Variants in PDE6C observed in about 807,000 individuals in gnomAD.
PDE6C encodes the protein cone cGMP-specific 3',5'-cyclic phosphodiesterase subunit alpha'.
A neutral mutation model predicts 113.1 loss-of-function variants in PDE6C; 75 were observed. The ratio of observed to expected loss-of-function variants is 0.66; its 90% CI spans 0.55 to 0.80. The LOEUF (loss-of-function observed/expected upper bound fraction) is 0.80. Among genes scored for constraint, PDE6C ranks in the 30% least tolerant of loss-of-function variants. The pLI is 0.00. For missense variants in PDE6C, 912 were observed against 1,038.6 expected (o/e 0.88, Z 1.67); for synonymous variants, 375 against 363.7 (o/e 1.03, Z -0.35).
chr10:93,627,203 A>T (rs551581364), intron 7 of PDE6C, among the ~76,000 whole-genome samples: 3 of 137,376 alleles, frequency 2.2e-5, no homozygotes, highest in South Asian at 2.5e-4. Context: ...TGGAGATTGC[A>T]GTGAGCCAAG....
chr10:93,628,521 G>T (rs999839267), intron 7 of PDE6C, among the ~76,000 whole-genome samples: 1 of 152,228 alleles, frequency 6.6e-6, no homozygotes, highest in African/African-American at 2.4e-5. Context: ...GGAGGTGGAG[G>T]TTGCAGAGAG....
chr10:93,640,623 A>G, intron 13 of PDE6C, 66 bp downstream of exon 13: 1 of 1,095,262 alleles, frequency 9.1e-7, no homozygotes, highest in South Asian at 1.2e-5. Context: ...GATGAGAAAT[A>G]GGTATGGTCC....
In PDE6C at chr10:93,641,098, C is replaced by T. The variant is rs183302276; in HGVS notation, c.1847+69C>T. On this transcript the variant is annotated intron_variant, in intron 14 of 21. Transcript: ENST00000371447. The stretch of plus-strand genomic sequence containing the variant: ...TGGAAAGTACTTAGGGTGAGAAAAA[C>T]GCTTCTCCCTATTCCTTGGCCCAGT... 8.8e-4 allele frequency: 816 copies of T among 932,378 alleles called. 2 individuals carry two copies. The highest frequency in any genetic ancestry group is 1.1e-3 in the Non-Finnish European group (628 of 561,128). 57.8% of individuals were successfully genotyped at this position (932,378 alleles called of 1,614,324 possible).
At chr10:93,654,815 T>TTCTTTC (rs1564804888) in intron 15 of PDE6C, among the ~76,000 whole-genome samples, 3 of 143,744 alleles carry the variant, frequency 2.1e-5, no homozygotes, top group South Asian at 2.2e-4. Flanking sequence ...TCTTTCTTTT[T>TTCTTTC]TTTTTTTTTT....
Position 93,663,046 on chromosome 10 carries a change from A to G in PDE6C, c.2386A>G (p.Lys796Glu), listed in dbSNP as rs768171384. The part of the protein sequence containing the change: ...FVYKEFSRFH[K>E]EITPMLSGLQ... ...CTTTTAGGAGTTCTCACGGTTTCACAAAGAAATCACACCTATGCTGAGTGG... is the reference window on the plus strand; with the variant it reads ...CTTTTAGGAGTTCTCACGGTTTCACGAAGAAATCACACCTATGCTGAGTGG... The change falls in exon 21 of 22, where the codon AAA becomes GAA. Residue 796 changes from lysine to glutamate, a missense_variant. Coordinates refer to ENST00000371447, the MANE Select transcript of PDE6C (RefSeq NM_006204.4). 3.2e-5 allele frequency: 52 copies of G among 1,612,548 alleles called. No homozygotes were observed. The South Asian group carries it at 5.6e-4, about 17-fold the overall frequency.
intron 4 of PDE6C, among the ~76,000 whole-genome samples, chr10:93,625,312 A>G (rs2058468272): frequency 6.6e-6 from 1 of 152,218 alleles, no homozygotes; most frequent in Admixed American, 6.5e-5. Context: ...TAGATGTTAC[A>G]TATGTATTAT....
At position 93,665,629 on chromosome 10, in the gene PDE6C, T is replaced by G. The variant is rs1806888436; in HGVS notation, c.*211T>G. On this transcript the variant is annotated 3_prime_UTR_variant, in exon 22 of 22. Transcript: ENST00000371447. Reference sequence around the variant, plus strand: ...AAAATATGACAAAAATAGGTACATTTTTGGTGCCAATTTATTTTAAATTAA... The same window carrying G: ...AAAATATGACAAAAATAGGTACATTGTTGGTGCCAATTTATTTTAAATTAA... The G allele has an allele frequency of 3.6e-6, 2 of 560,280 alleles. No homozygotes were observed. The highest frequency in any genetic ancestry group is 3.1e-5 in the Admixed American group (1 of 31,790). The allele number at this position is 560,280 out of a possible 1,614,324, so 34.7% of individuals were successfully genotyped here. A position where few individuals can be genotyped will look rare whatever the true frequency, so the allele number is the denominator to read the frequency against.
chr10:93,662,915 T>C (rs1476568767), intron 20 of PDE6C, 113 bp from the exon 21 acceptor site: 2 of 953,642 alleles, frequency 2.1e-6, no homozygotes, highest in African/African-American at 1.6e-5. Context: ...GTTAAACTTA[T>C]CCTAGCAGCT....
chr10:93,625,711 G>A (rs1183563705), intron 5 of PDE6C, 62 bp downstream of exon 5: 1 of 1,137,636 alleles, frequency 8.8e-7, no homozygotes, highest in African/African-American at 1.5e-5. Context: ...AAATTAAGAG[G>A]CCACAGTGCA....
At position 93,620,636 on chromosome 10, in the gene PDE6C, G is replaced by C. The variant is rs770220518; in HGVS notation, c.485G>C (p.Ser162Thr). 1 of 1,614,032 alleles carries C rather than the reference G, an allele frequency of 6.2e-7. No individual in the cohort carries two copies. The highest frequency in any genetic ancestry group is 1.1e-5 in the South Asian group (1 of 91,076). The change falls in exon 2 of 22, where the codon AGC becomes ACC. Residue 162 changes from serine (S) to threonine (T), a missense_variant. Physicochemically the swap from Ser to Thr is moderately conservative, Grantham distance 58. Transcript: ENST00000371447. ...THNVPDVKKN[S>T]HFSDFMDKQT... ...ATATGTGACTGTCTCTTTCAGAACA[G>C]CCATTTTTCTGACTTCATGGACAAG...
In PDE6C at chr10:93,659,115, T is replaced by C. The variant is rs1460255181; in HGVS notation, c.2156T>C (p.Met719Thr). 5.0e-6 allele frequency: 8 copies of C among 1,610,990 alleles called. No individual in the cohort carries two copies. The highest frequency in any genetic ancestry group is 4.0e-5 in the African/African-American group (3 of 74,836). Reference protein sequence around the residue: ...TKKEIIMAMMMTACDLSAITK... With the variant: ...TKKEIIMAMMTTACDLSAITK... ...GTTTTCTTCCTAAGGGCAATGATGA[T>C]GACGGCATGTGACTTGTCTGCTATT... The change falls in exon 18 of 22, where the codon ATG (methionine) becomes ACG (threonine). Residue 719 changes from methionine to threonine, a missense_variant. By Grantham distance (81) the Met-to-Thr change is moderately conservative. Transcript: ENST00000371447.
chr10:93,651,325 G>T (rs1055352267), intron 15 of PDE6C, among the ~76,000 whole-genome samples: 1 of 152,150 alleles, frequency 6.6e-6, no homozygotes, highest in African/African-American at 2.4e-5. Flanking sequence ...ACCTGAGACT[G>T]GGTAATTATA....
Position 93,665,640 on chromosome 10 carries a change from T to TTTA in PDE6C, c.*225_*227dup. 1.8e-6 allele frequency: 1 copy of TTTA among 543,082 alleles called. No individual in the cohort carries two copies. Among genetic ancestry groups the TTTA allele is most frequent in the Non-Finnish European group, 3.3e-6 (1 of 304,650 alleles). The allele number at this position is 543,082 out of a possible 1,614,324, so 33.6% of individuals were successfully genotyped here. A position where few individuals can be genotyped will look rare whatever the true frequency, so the allele number is the denominator to read the frequency against. On this transcript the variant is annotated 3_prime_UTR_variant, in exon 22 of 22. Coordinates refer to ENST00000371447, the MANE Select transcript of PDE6C (RefSeq NM_006204.4). ...AAAATAGGTACATTTTTGGTGCCAA[T>TTTA]TTATTTTAAATTAAAAAATATGCAA... is the stretch of plus-strand genomic sequence containing the variant.
In PDE6C at chr10:93,659,024, T is replaced by A; in HGVS notation, c.2144+16T>A. On this transcript the variant is annotated intron_variant, in intron 17 of 21. Coordinates refer to ENST00000371447, the MANE Select transcript of PDE6C (RefSeq NM_006204.4). ...AGATTATCATGTAGGTAGTTGAAATTGTATTTCTCTCTTGTTTTTTGTAAA... is the reference window on the plus strand; with the variant it reads ...AGATTATCATGTAGGTAGTTGAAATAGTATTTCTCTCTTGTTTTTTGTAAA... 1 of 1,575,444 alleles carries A rather than the reference T, an allele frequency of 6.3e-7. No homozygotes were observed.
intron 15 of PDE6C, 110 bp from the exon 16 acceptor site, chr10:93,655,649 AC>A (rs1665252088): frequency 9.6e-5 from 63 of 659,228 alleles, no homozygotes; most frequent in South Asian, 2.0e-4. Flanking sequence ...CAAAAAAAAA[AC>A]AAACAAAAAA....
intron 15 of PDE6C, among the ~76,000 whole-genome samples, chr10:93,649,064 G>A (rs1192356886): frequency 2.0e-5 from 3 of 152,152 alleles, no homozygotes; most frequent in East Asian, 1.9e-4. Context: ...CGAGAGCCAC[G>A]ATCTGAATGA....
At chr10:93,622,988 C>T (rs532755120) in intron 4 of PDE6C, among the ~76,000 whole-genome samples, 5 of 152,086 alleles carry the variant, frequency 3.3e-5, no homozygotes, top group East Asian at 3.9e-4. Context: ...GGGTAAATAC[C>T]GAATAGGGCA....
At chr10:93,655,719 A>C in intron 15 of PDE6C, 41 bp from the exon 16 acceptor site, 1 of 1,002,224 alleles carries the variant, frequency 1.0e-6, no homozygotes, top group East Asian at 2.4e-5. Flanking sequence ...GTTCAGAGGC[A>C]AATTATTGAT....
chr10:93,630,670 C>T (rs1197623157), intron 8 of PDE6C, among the ~76,000 whole-genome samples: 11 of 152,110 alleles, frequency 7.2e-5, no homozygotes, highest in African/African-American at 1.9e-4. Context: ...TTTTCTGTCT[C>T]TCTCACATAC....
Sources: gnomAD v4.1 joint callset for allele counts (sites outside exome capture counted in the v4.1 genomes callset) on GRCh38, gnomAD v4.1.1 for gene constraint, MANE v1.5 for transcripts, NCBI Gene and HGNC (gene_info 2026-07-23, HGNC 2026-07-21) for gene names.